The following FRK variants were observed in gnomAD, a reference collection of about 807,000 sequenced individuals.
The protein encoded by FRK is fyn related Src family tyrosine kinase.
In FRK, 51 loss-of-function variants were observed where a neutral mutation model predicts 56.4. The observed-to-expected ratio is 0.90, with a 90% CI of 0.72 to 1.14. The LOEUF is 1.14. Ranked by LOEUF, FRK falls within the 50% of genes most tolerant of loss-of-function variation. The pLI, the probability that FRK is intolerant of heterozygous loss-of-function variation, is 0.00. For missense variants in FRK, 570 were observed against 601.4 expected (o/e 0.95, Z 0.55); for synonymous variants, 245 against 217.9 (o/e 1.12, Z -1.10).
chr6:115,974,396 T>C (rs564945073), intron 2 of FRK, among the ~76,000 whole-genome samples: 99 of 152,208 alleles, frequency 6.5e-4, no homozygotes, highest in Non-Finnish European at 1.2e-3. Context: ...AATAAATATT[T>C]GCCAGATCTT....
At chr6:115,958,676 GAAA>G (rs1562257156) in intron 4 of FRK, among the ~76,000 whole-genome samples, 17 of 4,902 alleles carry the variant, frequency 3.5e-3, no homozygotes, top group East Asian at 0.028. Context: ...AAGAAAGAAA[GAAA>G]GAAAGAAAGA....
chr6:116,078,490 GGTTT>G, the FRK span, among the ~76,000 whole-genome samples: 2 of 152,058 alleles, frequency 1.3e-5, no homozygotes, highest in African/African-American at 4.8e-5. Flanking sequence ...TTAAGGGGTT[GGTTT>G]GTTTGTTTTA....
intron 2 of FRK, among the ~76,000 whole-genome samples, chr6:115,988,993 G>A (rs748563759): frequency 1.3e-5 from 2 of 151,564 alleles, no homozygotes; most frequent in Admixed American, 1.3e-4. Context: ...TCCAAAACCC[G>A]CACCAGGTCT....
chr6:115,997,524 C>A (rs1253928630), intron 2 of FRK, among the ~76,000 whole-genome samples: 1 of 152,022 alleles, frequency 6.6e-6, no homozygotes, highest in African/African-American at 2.4e-5. Flanking sequence ...TTGGTTTCCT[C>A]CCATCTCTCC....
At position 115,931,734 on chromosome 6, in the gene FRK, T is replaced by C. The variant is rs1216090843; in HGVS notation, c.*10680A>G. 1 of 152,342 alleles carries C rather than the reference T, an allele frequency of 6.6e-6. No homozygotes were observed. The highest frequency in any genetic ancestry group is 2.4e-5 in the African/African-American group (1 of 41,590). 9.4% of individuals were successfully genotyped at this position (152,342 alleles called of 1,614,324 possible). ...GGTTAATACCAAGCAGTTTTCTTTTTCACAAATAGTATAATTGAAGCCTCT... is the reference window on the plus strand; with the variant it reads ...GGTTAATACCAAGCAGTTTTCTTTTCCACAAATAGTATAATTGAAGCCTCT... On this transcript the variant is annotated 3_prime_UTR_variant, in exon 8 of 8. Coordinates refer to ENST00000606080, the MANE Select transcript of FRK (RefSeq NM_002031.3).
At chr6:116,085,786 G>A in the FRK span, among the ~76,000 whole-genome samples, 3 of 152,058 alleles carry the variant, frequency 2.0e-5, no homozygotes, top group South Asian at 2.1e-4. Context: ...ATATGAACAC[G>A]GAGATTCTGT....
At chr6:115,949,268 C>CG (rs1053895859) in intron 5 of FRK, among the ~76,000 whole-genome samples, 11 of 17,664 alleles carry the variant, frequency 6.2e-4, no homozygotes, top group East Asian at 0.12. Context: ...TATTTGAATA[C>CG]CTTTATTTCT....
chr6:116,007,800 A>G (rs1775301839), intron 1 of FRK, among the ~76,000 whole-genome samples: 1 of 152,144 alleles, frequency 6.6e-6, no homozygotes, highest in Non-Finnish European at 1.5e-5. Flanking sequence ...AGGCAATTTA[A>G]TGGTTTCAAT....
rs1582624031 is a variant in FRK, at chr6:115,941,156, T to C, written c.*1258A>G. On this transcript the variant is annotated 3_prime_UTR_variant, in exon 8 of 8. Coordinates refer to ENST00000606080, the MANE Select transcript of FRK (RefSeq NM_002031.3). The stretch of plus-strand genomic sequence containing the variant: ...GGCACATAGACACTATGGAATACTA[T>C]GCAGCCATAAAAAAGGATGAGTTCA... 1 of 152,198 alleles carries C rather than the reference T, an allele frequency of 6.6e-6. No individual in the cohort carries two copies. Among genetic ancestry groups the C allele is most frequent in the Non-Finnish European group, 1.5e-5 (1 of 68,038 alleles). The allele number at this position is 152,198 out of a possible 1,614,324, so 9.4% of individuals were successfully genotyped here. A position where few individuals can be genotyped will look rare whatever the true frequency, so the allele number is the denominator to read the frequency against.
At chr6:115,980,348 T>C (rs1280836328) in intron 2 of FRK, among the ~76,000 whole-genome samples, 2 of 147,596 alleles carry the variant, frequency 1.4e-5, no homozygotes, top group Non-Finnish European at 3.0e-5. Flanking sequence ...GCAAGAAAAA[T>C]ATGTAAAATG....
At position 116,060,392 on chromosome 6, in the gene FRK, G is replaced by C; in HGVS notation, c.-81C>G. ...CGATCCACCTTATCTTCCTTCACCA[G>C]GCAACTTTGAAGTCAGCACCAACTC... On this transcript the variant is annotated 5_prime_UTR_variant, in exon 1 of 8. Coordinates refer to ENST00000606080, the MANE Select transcript of FRK (RefSeq NM_002031.3). 8.5e-7 allele frequency: 1 copy of C among 1,174,736 alleles called. No homozygotes were observed. The highest frequency in any genetic ancestry group is 1.2e-6 in the Non-Finnish European group (1 of 822,656). The allele number at this position is 1,174,736 out of a possible 1,614,324, so 72.8% of individuals were successfully genotyped here.
intron 1 of FRK, among the ~76,000 whole-genome samples, chr6:116,056,942 C>A (rs1562309451): frequency 6.6e-6 from 1 of 152,160 alleles, no homozygotes; most frequent in African/African-American, 2.4e-5. Context: ...GTAAATTGGG[C>A]TTTTTAAACA....
intron 1 of FRK, among the ~76,000 whole-genome samples, chr6:116,020,301 T>C (rs1399494338): frequency 1.3e-5 from 2 of 152,104 alleles, no homozygotes; most frequent in Non-Finnish European, 2.9e-5. Flanking sequence ...TTTTTTTGTT[T>C]TTTGTTTTTT....
intron 1 of FRK, among the ~76,000 whole-genome samples, chr6:116,047,145 A>G (rs1229070464): frequency 6.6e-6 from 1 of 151,942 alleles, no homozygotes; most frequent in Non-Finnish European, 1.5e-5. Context: ...GAGGTCACCC[A>G]TGACAAAAAC....
intron 1 of FRK, chr6:116,039,352 A>T (rs1562299349): frequency 6.9e-7 from 1 of 1,453,524 alleles, no homozygotes. Context: ...GTGGTGGCTC[A>T]GAGCACCCGT....
rs373766983 is a variant in FRK at position 115,944,232 on chromosome 6, A to G, written c.1140+12T>C. ...CTATTACAAAAACTAATTAAAACAAAACTAAATCCACCTTAAAAACTCTGG... is the reference window on the plus strand; with the variant it reads ...CTATTACAAAAACTAATTAAAACAAGACTAAATCCACCTTAAAAACTCTGG... On this transcript the variant is annotated intron_variant, in intron 6 of 7. Coordinates refer to ENST00000606080, the MANE Select transcript of FRK (RefSeq NM_002031.3). 3 of 1,600,372 alleles carry G rather than the reference A, an allele frequency of 1.9e-6. No individual in the cohort carries two copies. Among genetic ancestry groups the G allele is most frequent in the Non-Finnish European group, 8.5e-7 (1 of 1,175,368 alleles).
intron 1 of FRK, among the ~76,000 whole-genome samples, chr6:116,028,910 C>G (rs1185082997): frequency 1.3e-5 from 2 of 152,068 alleles, no homozygotes; most frequent in Non-Finnish European, 2.9e-5. Flanking sequence ...GTCATGAATC[C>G]TACAATGCTT....
intron 2 of FRK, among the ~76,000 whole-genome samples, chr6:115,978,637 C>A (rs1774075996): frequency 1.3e-5 from 2 of 152,252 alleles, no homozygotes; most frequent in East Asian, 3.9e-4. Context: ...CAGTCAACAA[C>A]AGCCTGCATA....
chr6:116,045,071 G>C (rs1009338772), intron 1 of FRK, among the ~76,000 whole-genome samples: 1 of 152,038 alleles, frequency 6.6e-6, no homozygotes, highest in Non-Finnish European at 1.5e-5. Flanking sequence ...CACTGCTCAA[G>C]GAAATAAGAG....
Sources: gnomAD v4.1 joint callset for allele counts (sites outside exome capture counted in the v4.1 genomes callset) on GRCh38, gnomAD v4.1.1 for gene constraint, MANE v1.5 for transcripts, NCBI Gene and HGNC (gene_info 2026-07-23, HGNC 2026-07-21) for gene names.